The following UBR1 variants were observed in gnomAD, a reference collection of about 807,000 sequenced individuals.
UBR1 encodes ubiquitin protein ligase E3 component n-recognin 1.
Under a neutral mutation model 242.1 loss-of-function variants are expected in UBR1, and 102 were observed. The observed-to-expected ratio is 0.42, with a 90% CI of 0.36 to 0.50. UBR1 has a LOEUF of 0.50. Among genes scored for constraint, UBR1 ranks in the 20% least tolerant of loss-of-function variants. The pLI, the probability that UBR1 is intolerant of heterozygous loss-of-function variation, is 0.01. For synonymous variants in UBR1, 675 were observed against 684.8 expected (o/e 0.99, Z 0.22); for missense variants, 1,772 against 2,101.8 (o/e 0.84, Z 3.07).
Position 43,002,577 on chromosome 15 carries a change from A to G in UBR1, c.3637T>C (p.Leu1213=). The stretch of plus-strand genomic sequence containing the variant: ...TACCTGTTTATCTTTTGAGGTTGCA[A>G]AGGAATAATGGGGATCACAGTATTG... The part of the protein sequence containing the change: ...LCNTVIPIIP[L]QPQKINSENA... The change falls in exon 32 of 47, where the codon TTG becomes CTG. Residue 1213 remains leucine, a synonymous_variant. Coordinates refer to ENST00000290650, the MANE Select transcript of UBR1 (RefSeq NM_174916.3). 6.2e-7 allele frequency: 1 copy of G among 1,614,160 alleles called. No individual in the cohort carries two copies. Among genetic ancestry groups the G allele is most frequent in the Non-Finnish European group, 8.5e-7 (1 of 1,180,028 alleles).
At chr15:43,015,964 A>G (rs1201929549) in intron 28 of UBR1, 95 bp from the exon 29 acceptor site, 23 of 1,140,784 alleles carry the variant, frequency 2.0e-5, no homozygotes, top group Non-Finnish European at 2.7e-5. Flanking sequence ...TAAGATTCTG[A>G]AACCCTGATT....
rs912010388 is a variant in UBR1 at position 42,943,840 on chromosome 15, C to T, written c.*1489G>A. The T allele has an allele frequency of 3.9e-5, 6 of 152,312 alleles. No individual in the cohort carries two copies. Among genetic ancestry groups the T allele is most frequent in the African/African-American group, 1.2e-4 (5 of 41,414 alleles). The allele number at this position is 152,312 out of a possible 1,614,324, so 9.4% of individuals were successfully genotyped here. A position where few individuals can be genotyped will look rare whatever the true frequency, so the allele number is the denominator to read the frequency against. On this transcript the variant is annotated 3_prime_UTR_variant, in exon 47 of 47. Coordinates refer to ENST00000290650, the MANE Select transcript of UBR1 (RefSeq NM_174916.3). ...AGACATGTATCTATTTATCCAGATA[C>T]CTTCTGAATTGTAATTATTCAAGTA...
At chr15:43,061,932 C>T (rs564862732) in intron 6 of UBR1, among the ~76,000 whole-genome samples, 1 of 151,882 alleles carries the variant, frequency 6.6e-6, no homozygotes, top group South Asian at 2.1e-4. Context: ...TAACCAAATA[C>T]CACCTGTACT....
chr15:43,043,936 A>G (rs141288226), intron 14 of UBR1, among the ~76,000 whole-genome samples: 574 of 152,334 alleles, frequency 3.8e-3, no homozygotes, highest in Middle Eastern at 0.037. Flanking sequence ...GAGGGGGGAA[A>G]AAAAAGAATC....
chr15:43,088,854 AAC>A (rs1455705056), intron 1 of UBR1, among the ~76,000 whole-genome samples: 1 of 152,084 alleles, frequency 6.6e-6, no homozygotes, highest in Non-Finnish European at 1.5e-5. Flanking sequence ...AAAAAAAAAA[AAC>A]TTTTAAAAAA....
chr15:42,976,050 C>T (rs2032283675), intron 39 of UBR1, among the ~76,000 whole-genome samples: 1 of 152,092 alleles, frequency 6.6e-6, no homozygotes. Flanking sequence ...AAACCAGACT[C>T]CAAAAGAAAA....
At position 43,086,093 on chromosome 15, in the gene UBR1, A is replaced by G; in HGVS notation, c.229T>C (p.Tyr77His). The change falls in exon 2 of 47, where the codon TAC (tyrosine) becomes CAC (histidine). Residue 77 changes from tyrosine (Y) to histidine (H), a missense_variant. Physicochemically the swap from Tyr to His is moderately conservative, Grantham distance 83. Around this residue, in one of 3 missense-constraint regions of UBR1, gnomAD observed 734 missense variants for 893.3 expected, o/e 0.82. Transcript: ENST00000290650. Reference protein sequence around the residue: ...QMSIFTPLEWYLFGEDPDICL... With the variant: ...QMSIFTPLEWHLFGEDPDICL... ...ATATCTGGATCTTCTCCAAATAAGT[A>G]CCATTCCAGTGGAGTGAATATTGAC... 4 of 1,614,132 alleles carry G rather than the reference A, an allele frequency of 2.5e-6. No individual in the cohort carries two copies. The highest frequency in any genetic ancestry group is 3.4e-6 in the Non-Finnish European group (4 of 1,180,020).
chr15:43,040,888 T>C (rs1170859916), intron 15 of UBR1, among the ~76,000 whole-genome samples: 1 of 152,038 alleles, frequency 6.6e-6, no homozygotes, highest in African/African-American at 2.4e-5. Flanking sequence ...AAAACCACAA[T>C]GAGATTACCA....
intron 29 of UBR1, among the ~76,000 whole-genome samples, chr15:43,012,631 G>A (rs2032940265): frequency 6.6e-6 from 1 of 152,110 alleles, no homozygotes; most frequent in South Asian, 2.1e-4. Flanking sequence ...TTATTTTATT[G>A]TCAGTAGTTT....
At chr15:42,954,168 A>T (rs2031880363) in intron 44 of UBR1, among the ~76,000 whole-genome samples, 1 of 152,070 alleles carries the variant, frequency 6.6e-6, no homozygotes, top group Non-Finnish European at 1.5e-5. Context: ...TACAGACATG[A>T]GCCACTGTAC....
At chr15:42,962,292 G>A (rs1360451170) in intron 42 of UBR1, among the ~76,000 whole-genome samples, 1 of 152,126 alleles carries the variant, frequency 6.6e-6, no homozygotes, top group Admixed American at 6.5e-5. Flanking sequence ...AAAAGGCAAG[G>A]CAAACTAAAG....
rs2031704950 is a variant in UBR1 at position 42,944,762 on chromosome 15, G to C, written c.*567C>G. The C allele has an allele frequency of 6.0e-6, 1 of 167,436 alleles. No individual in the cohort carries two copies. The highest frequency in any genetic ancestry group is 1.3e-5 in the Non-Finnish European group (1 of 77,594). The allele number at this position is 167,436 out of a possible 1,614,324, so 10.4% of individuals were successfully genotyped here. A position where few individuals can be genotyped will look rare whatever the true frequency, so the allele number is the denominator to read the frequency against. ...AGAAATCATCCTCTGTCCACATAGA[G>C]ATTGAGTTTAATTTGTGGTGATAGC... On this transcript the variant is annotated 3_prime_UTR_variant, in exon 47 of 47. Transcript: ENST00000290650.
intron 7 of UBR1, 100 bp from the exon 8 acceptor site, chr15:43,059,925 T>C: frequency 1.3e-6 from 2 of 1,558,136 alleles, no homozygotes; most frequent in South Asian, 2.2e-5. Flanking sequence ...CCCTGCCAGT[T>C]CCAAATCTCT....
chr15:43,019,636 G>A (rs11638073), intron 27 of UBR1, among the ~76,000 whole-genome samples: 55 of 146,006 alleles, frequency 3.8e-4, no homozygotes, highest in Non-Finnish European at 4.2e-4. Flanking sequence ...AGGCTGGAGT[G>A]CAGTGGTGCG....
At chr15:43,101,890 C>T (rs2034239186) in intron 1 of UBR1, among the ~76,000 whole-genome samples, 1 of 150,120 alleles carries the variant, frequency 6.7e-6, no homozygotes, top group South Asian at 2.1e-4. Context: ...ATCGCTTGAA[C>T]CCGGGAGGTA....
intron 39 of UBR1, among the ~76,000 whole-genome samples, chr15:42,975,484 C>T (rs1208134223): frequency 2.6e-5 from 4 of 151,900 alleles, no homozygotes; most frequent in East Asian, 1.9e-4. Flanking sequence ...TAAATAATGT[C>T]GTGCTTGTAT....
intron 32 of UBR1, among the ~76,000 whole-genome samples, chr15:43,001,953 A>AT (rs141567758): frequency 6.6e-6 from 1 of 151,854 alleles, no homozygotes; most frequent in Non-Finnish European, 1.5e-5. Context: ...AAAGGAATGA[A>AT]TTTTTTTTGC....
chr15:43,081,417 CAAAAAAAAA>C (rs71108197), intron 3 of UBR1, among the ~76,000 whole-genome samples: 1 of 69,708 alleles, frequency 1.4e-5, no homozygotes, highest in Non-Finnish European at 2.6e-5. Context: ...CACCCCATCT[CAAAAAAAAA>C]AAAAAAAAAA....
At chr15:43,062,297 T>C (rs946545581) in intron 6 of UBR1, among the ~76,000 whole-genome samples, 2 of 152,164 alleles carry the variant, frequency 1.3e-5, no homozygotes, top group East Asian at 3.9e-4. Flanking sequence ...ATATATACTG[T>C]ATACAGTACA....
Sources: allele counts gnomAD v4.1 joint callset (sites outside exome capture counted in the v4.1 genomes callset), GRCh38; gene constraint gnomAD v4.1.1; regional missense constraint gnomAD v4.1.1; transcripts MANE v1.5; gene names NCBI Gene and HGNC (gene_info 2026-07-23, HGNC 2026-07-21).